Variants in RFFL observed in about 807,000 individuals in gnomAD.
RFFL encodes E3 ubiquitin-protein ligase rififylin.
Under a neutral mutation model 40.4 loss-of-function variants are expected in RFFL, and 16 were observed. The ratio of observed to expected loss-of-function variants is 0.40; its 90% confidence interval spans 0.27 to 0.60. RFFL has a LOEUF of 0.60. RFFL is among the 20% of genes least tolerant of loss of function. The pLI, the probability that RFFL is intolerant of heterozygous loss-of-function variation, is 0.47. For synonymous variants in RFFL, 154 were observed against 167.9 expected (o/e 0.92, Z 0.64); for missense variants, 367 against 451.7 (o/e 0.81, Z 1.70).
At chr17:35,015,845 A>G (rs1188955594) in intron 5 of RFFL, among the ~76,000 whole-genome samples, 1 of 152,230 alleles carries the variant, frequency 6.6e-6, no homozygotes, top group Non-Finnish European at 1.5e-5. Flanking sequence ...AACTCATTTA[A>G]CCACAGACCC....
At position 35,082,166 on chromosome 17, in the gene RFFL, A is replaced by G. The variant is rs530251967; in HGVS notation, c.-9+6939T>C. Among the ~76,000 whole-genome samples, 18 of 152,318 alleles carry G rather than the reference A, an allele frequency of 1.2e-4. No homozygotes were observed. The South Asian group carries it at 3.5e-3, about 30-fold the overall frequency. The stretch of plus-strand genomic sequence containing the variant: ...AAGAGCTTATTCATTTAGCTAGGAG[A>G]CAGGTGTTAGCAACCAGAAACCTCT... On this transcript the variant is annotated intron_variant, in intron 1 of 6. Transcript: ENST00000315249.
intron 3 of RFFL, among the ~76,000 whole-genome samples, chr17:35,019,474 G>A (rs1213434550): frequency 6.6e-6 from 1 of 152,066 alleles, no homozygotes; most frequent in Non-Finnish European, 1.5e-5. Flanking sequence ...CGACCTCCCA[G>A]GCTTAAATGA....
chr17:35,013,742 G>A (rs150223281), intron 6 of RFFL, among the ~76,000 whole-genome samples: 190 of 152,250 alleles, frequency 1.2e-3, no homozygotes, highest in African/African-American at 4.4e-3. Flanking sequence ...TCTCTCAGAA[G>A]TAACAACAAA....
intron 1 of RFFL, among the ~76,000 whole-genome samples, chr17:35,030,494 G>A (rs2091075971): frequency 6.6e-6 from 1 of 151,936 alleles, no homozygotes; most frequent in Admixed American, 6.6e-5. Context: ...GTAGAGATGG[G>A]GTTTCACCAT....
Position 35,017,609 on chromosome 17 carries a change from G to A in RFFL, c.592-3C>T, listed in dbSNP as rs780216939. On this transcript the variant is annotated splice_region_variant and splice_polypyrimidine_tract_variant and intron_variant, in intron 3 of 6. Transcript: ENST00000394597. Reference sequence around the variant, plus strand: ...TCCTGAGACACATGGCCATTGGCCTGTGGGAAGAGAAAAGTAACATCACAT... The same window carrying A: ...TCCTGAGACACATGGCCATTGGCCTATGGGAAGAGAAAAGTAACATCACAT... The A allele has an allele frequency of 3.1e-6, 5 of 1,603,212 alleles. No homozygotes were observed. Among genetic ancestry groups the A allele is most frequent in the African/African-American group, 1.3e-5 (1 of 74,892 alleles).
chr17:35,032,437 C>T (rs1187533020), intron 1 of RFFL, among the ~76,000 whole-genome samples: 3 of 151,664 alleles, frequency 2.0e-5, no homozygotes, highest in Middle Eastern at 3.2e-3. Flanking sequence ...AACTAGCAGA[C>T]GAGAGAAGGG....
intron 1 of RFFL, among the ~76,000 whole-genome samples, chr17:35,038,052 C>CT (rs1471439768): frequency 6.6e-6 from 1 of 152,072 alleles, no homozygotes; most frequent in African/African-American, 2.4e-5. Context: ...CTTTGGGAGG[C>CT]TAAGTCGGAC....
Position 35,084,857 on chromosome 17 carries a change from T to C in RFFL, c.-9+4248A>G, listed in dbSNP as rs576107209. ...GTTGCAGTGAACCGAGATCCAGAGG[T>C]TGCAGTGAACCGAGATCCCGCCACT... On this transcript the variant is annotated intron_variant, in intron 1 of 6. Coordinates refer to the RFFL transcript ENST00000315249. 9.3e-5 allele frequency among the ~76,000 whole-genome samples: 14 copies of C among 150,616 alleles called. No individual in the cohort carries two copies. The South Asian group carries it at 2.8e-3, about 30-fold the overall frequency.
rs974118221 is a variant in RFFL at position 35,021,417 on chromosome 17, G to A, written c.545C>T (p.Ala182Val). The stretch of plus-strand genomic sequence containing the variant: ...GGCTGGGGGAACAGAGGTGGCTTGT[G>A]CAGATGAAGAGGGGAGGTTGGGTGA... The part of the protein sequence containing the change: ...PTSPNLPSSS[A>V]QATSVPPAQV... The change falls in exon 3 of 7, where the codon GCA becomes GTA. Residue 182 changes from alanine to valine, a missense_variant. By Grantham distance (64) the Ala-to-Val change is moderately conservative. Transcript: ENST00000394597. The A allele has an allele frequency of 7.2e-6, 11 of 1,535,108 alleles. No individual in the cohort carries two copies. Among genetic ancestry groups the A allele is most frequent in the Non-Finnish European group, 9.6e-6 (11 of 1,144,652 alleles).
In RFFL at chr17:35,010,408, G is replaced by A. The variant is rs1368749878; in HGVS notation, c.*1560C>T. ...CCTCTAGGGGTGTAAAGACTGTGAG[G>A]GCTCAAATACATCACCTACTCATTG... On this transcript the variant is annotated 3_prime_UTR_variant, in exon 7 of 7. Coordinates refer to ENST00000394597, the MANE Select transcript of RFFL (RefSeq NM_001017368.2). 6.6e-6 allele frequency: 1 copy of A among 152,176 alleles called. No individual in the cohort carries two copies. The highest frequency in any genetic ancestry group is 2.4e-5 in the African/African-American group (1 of 41,414). 9.4% of individuals were successfully genotyped at this position (152,176 alleles called of 1,614,324 possible). A position where few individuals can be genotyped will look rare whatever the true frequency, so the allele number is the denominator to read the frequency against.
chr17:35,062,244 A>C (rs2091296314), intron 1 of RFFL, among the ~76,000 whole-genome samples: 1 of 151,932 alleles, frequency 6.6e-6, no homozygotes, highest in Admixed American at 6.5e-5. Context: ...CTCTACTAAA[A>C]ATACAAAAAT....
upstream of RFFL, among the ~76,000 whole-genome samples, chr17:35,067,376 C>T (rs1283093611): frequency 6.6e-6 from 1 of 151,530 alleles, no homozygotes; most frequent in Non-Finnish European, 1.5e-5. Context: ...CCTCAGCCTC[C>T]CAAAGTGCTA....
chr17:35,057,581 A>G (rs1319303031), intron 1 of RFFL, among the ~76,000 whole-genome samples: 2 of 150,626 alleles, frequency 1.3e-5, no homozygotes, highest in Admixed American at 1.3e-4. Flanking sequence ...GTAACTCCCA[A>G]AAGTGAATAT....
At chr17:35,047,209 G>A (rs2091204532) in intron 1 of RFFL, among the ~76,000 whole-genome samples, 1 of 152,046 alleles carries the variant, frequency 6.6e-6, no homozygotes, top group Non-Finnish European at 1.5e-5. Context: ...ATGAAGGCAG[G>A]GACTAGGTGA....
At chr17:35,079,960 G>A (rs530467682) in intron 1 of RFFL, among the ~76,000 whole-genome samples, 1 of 152,252 alleles carries the variant, frequency 6.6e-6, no homozygotes, top group East Asian at 1.9e-4. Flanking sequence ...TGTGGACTGG[G>A]AAAGTCCTCA....
chr17:35,025,752 G>A lies in RFFL; in HGVS notation c.180+622C>T, dbSNP rs1344461454. On this transcript the variant is annotated intron_variant, in intron 2 of 6. Transcript: ENST00000394597. ...CAGATAACTCACTGCCTCTGGAAGA[G>A]GGAGGGTGCACACCTAGACACCATT... 2.0e-5 allele frequency among the ~76,000 whole-genome samples: 3 copies of A among 152,186 alleles called. No homozygotes were observed. The East Asian group carries it at 5.8e-4, about 29-fold the overall frequency.
At chr17:35,081,103 A>G (rs2091401574) in intron 1 of RFFL, among the ~76,000 whole-genome samples, 1 of 152,210 alleles carries the variant, frequency 6.6e-6, no homozygotes, top group African/African-American at 2.4e-5. Flanking sequence ...AGAGGAGAGG[A>G]CAATGAAGAA....
intron 3 of RFFL, among the ~76,000 whole-genome samples, chr17:35,020,715 G>C (rs1302406146): frequency 6.6e-6 from 1 of 151,972 alleles, no homozygotes; most frequent in African/African-American, 2.4e-5. Flanking sequence ...TCCCTCTTCT[G>C]GGGGCTTTTT....
intron 1 of RFFL, 22 bp from the exon 2 acceptor site, chr17:35,026,583 G>C: frequency 6.2e-7 from 1 of 1,600,228 alleles, no homozygotes; most frequent in African/African-American, 1.3e-5. Context: ...GAGGAAAGGG[G>C]AAAAGGTCAG....
Sources: allele counts gnomAD v4.1 joint callset (sites outside exome capture counted in the v4.1 genomes callset), GRCh38; gene constraint gnomAD v4.1.1; transcripts MANE v1.5; gene names NCBI Gene and HGNC (gene_info 2026-07-23, HGNC 2026-07-21).